Variants in PHETA1 observed in about 807,000 individuals in gnomAD.
The protein encoded by PHETA1 is PH domain containing endocytic trafficking adaptor 1, also known as sesquipedalian-1.
For missense variants in PHETA1, 348 were observed against 373.5 expected (o/e 0.93, Z 0.56); for synonymous variants, 155 against 168.9 (o/e 0.92, Z 0.64).
intron 2 of PHETA1, among the ~76,000 whole-genome samples, chr12:111,365,037 C>T (rs1415718689): frequency 6.6e-6 from 1 of 152,210 alleles, no homozygotes; most frequent in Non-Finnish European, 1.5e-5. Flanking sequence ...ACTCTAACTC[C>T]ATGCCATCGG....
At chr12:111,364,609 T>TA (rs1022245910) in intron 2 of PHETA1, among the ~76,000 whole-genome samples, 5 of 150,738 alleles carry the variant, frequency 3.3e-5, no homozygotes, top group Non-Finnish European at 7.4e-5. Flanking sequence ...CCATCTCTAC[T>TA]AAAAAACAGC....
At chr12:111,365,274 A>G (rs1328387049) in intron 2 of PHETA1, among the ~76,000 whole-genome samples, 2 of 152,232 alleles carry the variant, frequency 1.3e-5, no homozygotes, top group Non-Finnish European at 1.5e-5. Flanking sequence ...CCTGGTACGC[A>G]GTAGGCACTC....
chr12:111,364,484 CAG>C (rs1309203177), intron 2 of PHETA1, among the ~76,000 whole-genome samples: 2 of 152,206 alleles, frequency 1.3e-5, no homozygotes, highest in Admixed American at 6.5e-5. Context: ...AATAGTAAGA[CAG>C]GGGCTGGGCA....
Position 111,363,107 on chromosome 12 carries a change from G to A in PHETA1, c.321C>T (p.Ala107=), listed in dbSNP as rs1593004405. 4 of 1,603,728 alleles carry A rather than the reference G, an allele frequency of 2.5e-6. No homozygotes were observed. The East Asian group carries it at 8.9e-5, about 36-fold the overall frequency. The change falls in exon 3 of 3, where the codon GCC becomes GCT. Residue 107 remains alanine (A), a synonymous_variant. Coordinates refer to ENST00000683047, the MANE Select transcript of PHETA1 (RefSeq NM_144671.6). The surrounding 1 kb of genome is among the most constrained non-coding windows in gnomAD (Gnocchi z 7.4). ...SQDAMEGWVK[A]LSRASFDYLR... ...GGTAGTCGAAGCTGGCACGCGACAG[G>A]GCCTTGACCCAGCCCTCCATGGCAT...
chr12:111,362,361 G>T lies in PHETA1; in HGVS notation c.*317C>A. The T allele has an allele frequency of 3.4e-6, 2 of 579,798 alleles. No homozygotes were observed. The highest frequency in any genetic ancestry group is 6.0e-6 in the Non-Finnish European group (2 of 334,298). 35.9% of individuals were successfully genotyped at this position (579,798 alleles called of 1,614,324 possible). Reference sequence around the variant, plus strand: ...CCCGGCAATGCCTGTTGCCAGCACAGGCCTCTGCCCGGCAGCTCAGGCCAG... The same window carrying T: ...CCCGGCAATGCCTGTTGCCAGCACATGCCTCTGCCCGGCAGCTCAGGCCAG... On this transcript the variant is annotated 3_prime_UTR_variant, in exon 3 of 3. Transcript: ENST00000683047.
intron 2 of PHETA1, among the ~76,000 whole-genome samples, chr12:111,364,936 G>T (rs999336428): frequency 6.6e-6 from 1 of 152,058 alleles, no homozygotes; most frequent in Non-Finnish European, 1.5e-5. Flanking sequence ...CAAAAAAAAA[G>T]AAAGAATTTG....
chr12:111,363,091 A>G lies in PHETA1; in HGVS notation c.337T>C (p.Phe113Leu), dbSNP rs1312270008. Residue 113 changes from phenylalanine (F) to leucine (L), a missense_variant, in exon 3 of 3, where the codon TTC (phenylalanine) becomes CTC (leucine). Physicochemically the swap from Phe to Leu is conservative, Grantham distance 22. Transcript: ENST00000683047. This position sits in a 1 kb window ranked among gnomAD's most constrained non-coding sequence, Gnocchi z 7.4. ...CGCACCACCAGCCGCAGGTAGTCGA[A>G]GCTGGCACGCGACAGGGCCTTGACC... ...GWVKALSRASFDYLRLVVREL... is the reference protein window; with the variant it reads ...GWVKALSRASLDYLRLVVREL... The G allele has an allele frequency of 6.3e-7, 1 of 1,592,320 alleles. No individual in the cohort carries two copies. The highest frequency in any genetic ancestry group is 2.2e-5 in the East Asian group (1 of 44,576).
At chr12:111,366,463 G>A (rs1479126000) in intron 1 of PHETA1, among the ~76,000 whole-genome samples, 2 of 152,062 alleles carry the variant, frequency 1.3e-5, no homozygotes, top group East Asian at 1.9e-4. Flanking sequence ...TCTCACCCCC[G>A]CATCTGATCG....
Position 111,363,314 on chromosome 12 carries a change from C to G in PHETA1, c.114G>C (p.Trp38Cys), listed in dbSNP as rs1367796268. Residue 38 changes from tryptophan to cysteine, a missense_variant, in exon 3 of 3, where the codon TGG becomes TGC. Coordinates refer to ENST00000683047, the MANE Select transcript of PHETA1 (RefSeq NM_144671.6). This position sits in a 1 kb window ranked among gnomAD's most constrained non-coding sequence, Gnocchi z 7.4. ...GGRHAAYHRR[W>C]FVLRGNMLFY... ...AGAGCATGTTCCCGCGCAGCACGAACCAGCGCCGGTGGTAGGCCGCGTGCC... is the reference window on the plus strand; with the variant it reads ...AGAGCATGTTCCCGCGCAGCACGAAGCAGCGCCGGTGGTAGGCCGCGTGCC... The G allele has an allele frequency of 6.2e-7, 1 of 1,613,214 alleles. No homozygotes were observed. Among genetic ancestry groups the G allele is most frequent in the Non-Finnish European group, 8.5e-7 (1 of 1,179,966 alleles).
Position 111,363,520 on chromosome 12 carries a change from G to T in PHETA1, c.-36-57C>A. ...GGCCACTGACGCTAGGTCACCCAGT[G>T]CCCCAAGGGGACCTTGCAGCCACTC... On this transcript the variant is annotated intron_variant, in intron 2 of 2. Coordinates refer to ENST00000683047, the MANE Select transcript of PHETA1 (RefSeq NM_144671.6). This position sits in a 1 kb window ranked among gnomAD's most constrained non-coding sequence, Gnocchi z 7.4. The T allele has an allele frequency of 4.5e-6, 7 of 1,542,304 alleles. No homozygotes were observed. Among genetic ancestry groups the T allele is most frequent in the Non-Finnish European group, 8.7e-7 (1 of 1,147,958 alleles).
intron 2 of PHETA1, chr12:111,365,445 G>C: frequency 2.2e-6 from 1 of 455,064 alleles, no homozygotes; most frequent in Non-Finnish European, 4.4e-6. Flanking sequence ...CAGCCACATA[G>C]GCAGTCAGGG....
chr12:111,361,850 A>G lies in PHETA1; in HGVS notation c.*828T>C. 8.8e-6 allele frequency: 4 copies of G among 455,384 alleles called. No homozygotes were observed. Among genetic ancestry groups the G allele is most frequent in the South Asian group, 6.2e-5 (4 of 64,532 alleles). The allele number at this position is 455,384 out of a possible 1,614,324, so 28.2% of individuals were successfully genotyped here. A position where few individuals can be genotyped will look rare whatever the true frequency, so the allele number is the denominator to read the frequency against. Reference sequence around the variant, plus strand: ...GCTACCCAGCCCAGGAAGGGAGGTCAGGCAAGCTCCCAAGGGGCCCCAGGC... The same window carrying G: ...GCTACCCAGCCCAGGAAGGGAGGTCGGGCAAGCTCCCAAGGGGCCCCAGGC... On this transcript the variant is annotated 3_prime_UTR_variant, in exon 3 of 3. Coordinates refer to ENST00000683047, the MANE Select transcript of PHETA1 (RefSeq NM_144671.6).
Position 111,362,527 on chromosome 12 carries a change from C to G in PHETA1, c.*151G>C, listed in dbSNP as rs751673398. 2 of 1,511,280 alleles carry G rather than the reference C, an allele frequency of 1.3e-6. No individual in the cohort carries two copies. The highest frequency in any genetic ancestry group is 1.8e-6 in the Non-Finnish European group (2 of 1,134,664). The allele number at this position is 1,511,280 out of a possible 1,614,324, so 93.6% of individuals were successfully genotyped here. A position where few individuals can be genotyped will look rare whatever the true frequency, so the allele number is the denominator to read the frequency against. On this transcript the variant is annotated 3_prime_UTR_variant, in exon 3 of 3. Transcript: ENST00000683047. ...CTCAGAATCCAGCACCTTCTCAGAG[C>G]CTGCATCCCCCAAAACCAGGCCACT...
In PHETA1 at chr12:111,362,771, CAGGG is replaced by C. The variant is rs1029636365; in HGVS notation, c.653_656del (p.Pro218ArgfsTer84). On this transcript the variant is annotated frameshift_variant, in exon 3 of 3. Transcript: ENST00000683047. LOFTEE classifies it low-confidence loss of function (END_TRUNC). ...GCAGCCGGGCGAAGGGGGCCATGTC[CAGGG>C]GCCCGTGGGGTGCCGAGGCCCGGCG... 6 of 1,540,512 alleles carry C rather than the reference CAGGG, an allele frequency of 3.9e-6. No homozygotes were observed. The Admixed American group carries it at 1.2e-4, about 30-fold the overall frequency.
Position 111,364,628 on chromosome 12 carries a change from G to C in PHETA1, c.-36-1165C>G, listed in dbSNP as rs565216768. Among the ~76,000 whole-genome samples, 55 of 152,120 alleles carry C rather than the reference G, an allele frequency of 3.6e-4. No individual in the cohort carries two copies. The South Asian group carries it at 0.011, about 32-fold the overall frequency. On this transcript the variant is annotated intron_variant, in intron 2 of 2. Coordinates refer to ENST00000683047, the MANE Select transcript of PHETA1 (RefSeq NM_144671.6). The stretch of plus-strand genomic sequence containing the variant: ...CTCTACTAAAAAACAGCCAGGTGAG[G>C]TGGTGCACGCCCATAATCCCAGCTA...
Position 111,361,513 on chromosome 12 carries a change from CAGG to C in PHETA1, c.*1162_*1164del, listed in dbSNP as rs551831073. On this transcript the variant is annotated 3_prime_UTR_variant, in exon 3 of 3. Coordinates refer to ENST00000683047, the MANE Select transcript of PHETA1 (RefSeq NM_144671.6). ...TGTAAACATGACCCAGGGTGAGGGC[CAGG>C]AGGTGTCCCAGCCCCGAGGTTCTCC... 1.3e-4 allele frequency: 30 copies of C among 228,610 alleles called. No individual in the cohort carries two copies. In the South Asian group the frequency reaches 1.7e-3, roughly 13 times the overall value. The allele number at this position is 228,610 out of a possible 1,614,324, so 14.2% of individuals were successfully genotyped here.
At position 111,363,512 on chromosome 12, in the gene PHETA1, C is replaced by T. The variant is rs776031711; in HGVS notation, c.-36-49G>A. ...ATGCACAAGGCCACTGACGCTAGGTCACCCAGTGCCCCAAGGGGACCTTGC... is the reference window on the plus strand; with the variant it reads ...ATGCACAAGGCCACTGACGCTAGGTTACCCAGTGCCCCAAGGGGACCTTGC... On this transcript the variant is annotated intron_variant, in intron 2 of 2. Transcript: ENST00000683047. The surrounding 1 kb of genome is among the most constrained non-coding windows in gnomAD (Gnocchi z 7.4). The T allele has an allele frequency of 5.5e-5, 85 of 1,548,396 alleles. No homozygotes were observed. Among genetic ancestry groups the T allele is most frequent in the Non-Finnish European group, 7.3e-5 (84 of 1,150,882 alleles).
At position 111,363,233 on chromosome 12, in the gene PHETA1, G is replaced by A. The variant is rs760230477; in HGVS notation, c.195C>T (p.Gly65=). 2 of 1,613,274 alleles carry A rather than the reference G, an allele frequency of 1.2e-6. No individual in the cohort carries two copies. Among genetic ancestry groups the A allele is most frequent in the South Asian group, 2.2e-5 (2 of 91,066 alleles). Residue 65 remains glycine (G), a synonymous_variant, in exon 3 of 3, where the codon GGC becomes GGT. Coordinates refer to ENST00000683047, the MANE Select transcript of PHETA1 (RefSeq NM_144671.6). This position sits in a 1 kb window ranked among gnomAD's most constrained non-coding sequence, Gnocchi z 7.4. The part of the protein sequence containing the change: ...REPVGVIILE[G]CTVELVEAAE... ...CGGCCTCCACCAGCTCCACAGTGCAGCCCTCCAGGATGATGACGCCCACGG... is the reference window on the plus strand; with the variant it reads ...CGGCCTCCACCAGCTCCACAGTGCAACCCTCCAGGATGATGACGCCCACGG...
chr12:111,361,940 G>T lies in PHETA1; in HGVS notation c.*738C>A, dbSNP rs1226383078. ...GGAGAGCCCTGTGAGAGCCACCACG[G>T]AGACACAGACAGGGCCCGCGGCCAG... On this transcript the variant is annotated 3_prime_UTR_variant, in exon 3 of 3. Transcript: ENST00000683047. 2.2e-6 allele frequency: 1 copy of T among 456,226 alleles called. No individual in the cohort carries two copies. Among genetic ancestry groups the T allele is most frequent in the Non-Finnish European group, 4.4e-6 (1 of 226,928 alleles). 28.3% of individuals were successfully genotyped at this position (456,226 alleles called of 1,614,324 possible).
Sources: gnomAD v4.1 joint callset for allele counts (sites outside exome capture counted in the v4.1 genomes callset) on GRCh38, gnomAD v4.1.1 for gene constraint, Gnocchi (gnomAD v3.1) non-coding constraint, MANE v1.5 for transcripts, NCBI Gene and HGNC (gene_info 2026-07-23, HGNC 2026-07-21) for gene names.